The following MGLL variants were observed in gnomAD, a reference collection of about 807,000 sequenced individuals.
MGLL encodes the protein monoglyceride lipase, also known as lysophospholipase homolog.
Under a neutral mutation model 29.1 loss-of-function variants are expected in MGLL, and 7 were observed. The ratio of observed to expected loss-of-function variants is 0.24; its 90% CI spans 0.14 to 0.45. The LOEUF (loss-of-function observed/expected upper bound fraction) is 0.45. Among genes scored for constraint, MGLL ranks in the 20% least tolerant of loss-of-function variants. MGLL has a pLI of 0.99. For missense variants in MGLL, 356 were observed against 413.6 expected, an observed-to-expected ratio of 0.86 and a Z score of 1.21; for synonymous variants, 148 against 168.3, an observed-to-expected ratio of 0.88 and a Z score of 0.93.
chr3:127,797,555 C>T (rs751849298), intron 2 of MGLL, among the ~76,000 whole-genome samples: 13 of 152,122 alleles, frequency 8.5e-5, no homozygotes, highest in Non-Finnish European at 1.8e-4. Flanking sequence ...CTAAGACATC[C>T]GGAATGTCAC....
intron 3 of MGLL, among the ~76,000 whole-genome samples, chr3:127,750,006 G>A (rs1045614717): frequency 6.6e-6 from 1 of 152,258 alleles, no homozygotes; most frequent in African/African-American, 2.4e-5. Context: ...GGGAGAGATG[G>A]GGCCAGGTCA....
intron 3 of MGLL, among the ~76,000 whole-genome samples, chr3:127,740,628 A>G (rs996024992): frequency 2.0e-5 from 3 of 152,106 alleles, no homozygotes; most frequent in Admixed American, 6.5e-5. Flanking sequence ...ACCCCAAGGG[A>G]AGTGGCCTGT....
rs539593673 is a variant in MGLL, at chr3:127,763,865, T to C, written c.262+17924A>G. Among the ~76,000 whole-genome samples, 15 of 152,324 alleles carry C rather than the reference T, an allele frequency of 9.8e-5. No individual in the cohort carries two copies. In the South Asian group the frequency reaches 1.0e-3, roughly 11 times the overall value. ...CTCAAGGAGCAGCTAAGTTTACTGA[T>C]GTCGCCGTAGTCATTACACCCACCT... is the stretch of plus-strand genomic sequence containing the variant. On this transcript the variant is annotated intron_variant, in intron 3 of 7. Transcript: ENST00000265052.
rs972650816 is a variant in MGLL at position 127,691,589 on chromosome 3, C to G, written c.*609G>C. ...TCCTTCTGGGCTAAGCCTCACCCCC[C>G]GCCCCTCTGCAAAGCCTGGTCTCAG... On this transcript the variant is annotated 3_prime_UTR_variant, in exon 8 of 8. Coordinates refer to ENST00000265052, the MANE Select transcript of MGLL (RefSeq NM_007283.7). The G allele has an allele frequency of 4.2e-4, 66 of 156,016 alleles. No individual in the cohort carries two copies. The highest frequency in any genetic ancestry group is 7.8e-4 in the Non-Finnish European group (55 of 70,576). The allele number at this position is 156,016 out of a possible 1,614,324, so 9.7% of individuals were successfully genotyped here. A position where few individuals can be genotyped will look rare whatever the true frequency, so the allele number is the denominator to read the frequency against.
At chr3:127,796,614 A>C (rs1230738482) in intron 2 of MGLL, among the ~76,000 whole-genome samples, 2 of 152,206 alleles carry the variant, frequency 1.3e-5, no homozygotes, top group African/African-American at 4.8e-5. Context: ...GGTCAGCAGG[A>C]CATAAGAACA....
At chr3:127,795,222 C>T (rs1056151628) in intron 2 of MGLL, among the ~76,000 whole-genome samples, 2 of 152,226 alleles carry the variant, frequency 1.3e-5, no homozygotes, top group Non-Finnish European at 2.9e-5. Flanking sequence ...ATATCCTTTA[C>T]AGTTAACACA....
Position 127,733,312 on chromosome 3 carries a change from A to T in MGLL, c.263-10746T>A, listed in dbSNP as rs547040301. Among the ~76,000 whole-genome samples, 45 of 152,338 alleles carry T rather than the reference A, an allele frequency of 3.0e-4. 1 individual carries two copies. The highest frequency in any genetic ancestry group is 1.5e-3 in the South Asian group (7 of 4,826). On this transcript the variant is annotated intron_variant, in intron 3 of 7. Coordinates refer to ENST00000265052, the MANE Select transcript of MGLL (RefSeq NM_007283.7). ...GAATAATCCACCCCTTGTTTAGCAT[A>T]TCATCAAGAAATAGCCATAAAAATG...
chr3:127,770,925 G>A lies in MGLL; in HGVS notation c.262+10864C>T, dbSNP rs147113109. Among the ~76,000 whole-genome samples the A allele has an allele frequency of 1.1e-3, 161 of 152,192 alleles. 1 individual carries two copies. The East Asian group carries it at 0.028, about 27-fold the overall frequency. On this transcript the variant is annotated intron_variant, in intron 3 of 7. Transcript: ENST00000265052. Reference sequence around the variant, plus strand: ...GGTACTCAAGGTCACAAGGGTGAGCGTCGAGGTCATAAGGCTGGGAGCCCA... The same window carrying A: ...GGTACTCAAGGTCACAAGGGTGAGCATCGAGGTCATAAGGCTGGGAGCCCA...
intron 3 of MGLL, among the ~76,000 whole-genome samples, chr3:127,749,937 T>C (rs1204387470): frequency 3.3e-5 from 5 of 152,098 alleles, no homozygotes; most frequent in South Asian, 2.1e-4. Context: ...AGTTTGAAGA[T>C]TCCAATGGGC....
At position 127,781,880 on chromosome 3, in the gene MGLL, C is replaced by A; in HGVS notation, c.171G>T (p.Val57=). 1.2e-6 allele frequency: 2 copies of A among 1,614,018 alleles called. No individual in the cohort carries two copies. Among genetic ancestry groups the A allele is most frequent in the Non-Finnish European group, 1.7e-6 (2 of 1,180,008 alleles). The change falls in exon 3 of 8, where the codon GTG becomes GTT. Residue 57 remains valine, a synonymous_variant. Transcript: ENST00000265052. Reference sequence around the variant, plus strand: ...CACTGTGCTCTCCGGCTCCATGGGACACAAAGATGAGGGCCCTGCAGAGAC... The same window carrying A: ...CACTGTGCTCTCCGGCTCCATGGGAAACAAAGATGAGGGCCCTGCAGAGAC... ...PTGTPKALIF[V]SHGAGEHSGR...
chr3:127,716,579 G>A (rs1443907060), intron 5 of MGLL, among the ~76,000 whole-genome samples: 2 of 152,226 alleles, frequency 1.3e-5, no homozygotes, highest in African/African-American at 2.4e-5. Context: ...GGGCGTTCCC[G>A]ATGCACCATC....
At chr3:127,822,934 C>A (rs2077891478), upstream of MGLL, 1 of 155,582 alleles carries the variant, frequency 6.4e-6, no homozygotes, top group African/African-American at 2.4e-5. Context: ...CGCGCGCACA[C>A]TCGGACACGC....
chr3:127,729,077 C>G (rs2076098406), intron 3 of MGLL, among the ~76,000 whole-genome samples: 1 of 151,864 alleles, frequency 6.6e-6, no homozygotes, highest in Non-Finnish European at 1.5e-5. Context: ...GGTCATTTGT[C>G]TTTTGACTTT....
intron 2 of MGLL, among the ~76,000 whole-genome samples, chr3:127,798,727 A>G (rs977673764): frequency 4.6e-5 from 7 of 152,058 alleles, no homozygotes; most frequent in African/African-American, 1.7e-4. Flanking sequence ...CTGCACTTAC[A>G]TCATCTCCCC....
At chr3:127,764,361 A>G (rs1267240564) in intron 3 of MGLL, among the ~76,000 whole-genome samples, 2 of 152,204 alleles carry the variant, frequency 1.3e-5, no homozygotes, top group Non-Finnish European at 1.5e-5. Flanking sequence ...CTGGCCTCTC[A>G]GCACCTTGTG....
intron 3 of MGLL, among the ~76,000 whole-genome samples, chr3:127,775,575 C>T (rs1262322049): frequency 1.3e-5 from 2 of 152,042 alleles, no homozygotes; most frequent in African/African-American, 2.4e-5. Context: ...TCTCACATGC[C>T]CCAGCTGAGT....
At chr3:127,737,235 T>C (rs1201345057) in intron 3 of MGLL, among the ~76,000 whole-genome samples, 1 of 150,912 alleles carries the variant, frequency 6.6e-6, no homozygotes, top group Non-Finnish European at 1.5e-5. Context: ...CCCTGCTCTG[T>C]GCTAGCCACC....
chr3:127,788,344 A>G (rs1009034102), intron 2 of MGLL, among the ~76,000 whole-genome samples: 1 of 152,136 alleles, frequency 6.6e-6, no homozygotes, highest in Admixed American at 6.5e-5. Flanking sequence ...CTGATGAGAA[A>G]AGTGAGGTCC....
chr3:127,819,107 C>T (rs2077812282), intron 2 of MGLL, among the ~76,000 whole-genome samples: 2 of 152,178 alleles, frequency 1.3e-5, no homozygotes, highest in Non-Finnish European at 2.9e-5. Flanking sequence ...AGGGTCCAGT[C>T]CGAGGAGGCT....
Sources: gnomAD v4.1 joint callset for allele counts (sites outside exome capture counted in the v4.1 genomes callset) on GRCh38, gnomAD v4.1.1 for gene constraint, MANE v1.5 for transcripts, NCBI Gene and HGNC (gene_info 2026-07-23, HGNC 2026-07-21) for gene names.